ZFHX3: variants seen among roughly 807,000 people sequenced by gnomAD.
ZFHX3 encodes zinc finger homeobox 3.
Under a neutral mutation model 279.1 loss-of-function variants are expected in ZFHX3, and 42 were observed. The ratio of observed to expected loss-of-function variants is 0.15; its 90% CI spans 0.12 to 0.19. The LOEUF (loss-of-function observed/expected upper bound fraction) is 0.19. ZFHX3 is among the 10% of genes least tolerant of loss of function. The pLI, the probability that ZFHX3 is intolerant of heterozygous loss-of-function variation, is 1.00. For missense variants in ZFHX3, 4,981 were observed against 4,754.0 expected (o/e 1.05, Z -1.40); for synonymous variants, 2,293 against 1,957.8 (o/e 1.17, Z -4.52).
intron 5 of ZFHX3, among the ~76,000 whole-genome samples, chr16:72,825,157 G>A (rs944642418): frequency 1.3e-5 from 2 of 152,238 alleles, no homozygotes; most frequent in African/African-American, 4.8e-5. Context: ...AAGGTCATCT[G>A]CTGGCTGGTG....
At chr16:73,358,857 G>A (rs1273940410) in intron 3 of ZFHX3, among the ~76,000 whole-genome samples, 1 of 152,204 alleles carries the variant, frequency 6.6e-6, no homozygotes, top group South Asian at 2.1e-4. Context: ...TGTCCATTAT[G>A]TGACCTCTGG....
At chr16:73,071,467 T>G (rs926767376) in intron 8 of ZFHX3, among the ~76,000 whole-genome samples, 3 of 150,620 alleles carry the variant, frequency 2.0e-5, no homozygotes, top group Admixed American at 2.0e-4. Context: ...CTGCTGCTGC[T>G]GCTGCTGCTG....
intron 1 of ZFHX3, among the ~76,000 whole-genome samples, chr16:72,981,058 A>C (rs897799135): frequency 6.6e-6 from 1 of 152,176 alleles, no homozygotes; most frequent in African/African-American, 2.4e-5. Flanking sequence ...CGTTCATGGC[A>C]AGCCAAGCCT....
intron 2 of ZFHX3, among the ~76,000 whole-genome samples, chr16:73,647,968 A>T (rs1246164939): frequency 1.3e-5 from 2 of 152,212 alleles, no homozygotes; most frequent in Non-Finnish European, 2.9e-5. Context: ...ACAAAAAAAA[A>T]TTTTAACTGA....
chr16:73,365,848 G>C (rs2016520359), intron 3 of ZFHX3, among the ~76,000 whole-genome samples: 1 of 152,194 alleles, frequency 6.6e-6, no homozygotes, highest in South Asian at 2.1e-4. Flanking sequence ...CAGGCAAGAG[G>C]AATGTTCCAG....
intron 3 of ZFHX3, among the ~76,000 whole-genome samples, chr16:73,325,928 A>ACAAACACACACACAC (rs1567451240): frequency 1.9e-4 from 28 of 145,570 alleles, no homozygotes; most frequent in East Asian, 4.1e-4. Flanking sequence ...CACACACACA[A>ACAAACACACACACAC]ACACACACAC....
intron 4 of ZFHX3, among the ~76,000 whole-genome samples, chr16:72,871,099 G>GCTAATA (rs2038150408): frequency 6.6e-6 from 1 of 152,180 alleles, no homozygotes; most frequent in Non-Finnish European, 1.5e-5. Flanking sequence ...AATATTTGGG[G>GCTAATA]AATGCAGGTG....
intron 2 of ZFHX3, among the ~76,000 whole-genome samples, chr16:73,630,958 A>C (rs1464494979): frequency 6.6e-6 from 1 of 152,198 alleles, no homozygotes; most frequent in Admixed American, 6.5e-5. Flanking sequence ...CGGTAATAAG[A>C]GCCTGGTTGC....
chr16:73,693,180 G>A (rs2053165246), intron 1 of ZFHX3, among the ~76,000 whole-genome samples: 1 of 152,110 alleles, frequency 6.6e-6, no homozygotes, highest in South Asian at 2.1e-4. Context: ...ATAATAAATA[G>A]CATTTCAAAA....
chr16:73,433,160 C>G (rs1306440321), intron 3 of ZFHX3, among the ~76,000 whole-genome samples: 1 of 152,194 alleles, frequency 6.6e-6, no homozygotes, highest in Non-Finnish European at 1.5e-5. Flanking sequence ...CTAGGCAGGT[C>G]GGGGCCTGCT....
intron 1 of ZFHX3, among the ~76,000 whole-genome samples, chr16:73,694,622 G>A (rs148453229): frequency 1.3e-4 from 20 of 152,128 alleles, no homozygotes; most frequent in Admixed American, 2.0e-4. Context: ...GATTACAGGC[G>A]TGAGCCACTG....
intron 2 of ZFHX3, among the ~76,000 whole-genome samples, chr16:73,639,999 C>G (rs1370728043): frequency 1.3e-5 from 2 of 152,144 alleles, no homozygotes; most frequent in African/African-American, 4.8e-5. Flanking sequence ...GCCAAAAGTT[C>G]GTGGAAAGAG....
chr16:72,901,251 G>A (rs78919267), intron 3 of ZFHX3, among the ~76,000 whole-genome samples: 4 of 152,136 alleles, frequency 2.6e-5, no homozygotes, highest in Non-Finnish European at 5.9e-5. Context: ...TGCTGGAACC[G>A]AGCCTACAGA....
chr16:72,840,635 G>C (rs373686907), intron 4 of ZFHX3, among the ~76,000 whole-genome samples: 1 of 152,266 alleles, frequency 6.6e-6, no homozygotes, highest in South Asian at 2.1e-4. Context: ...TGAGGGACTT[G>C]GATTCCCTGT....
chr16:72,820,556 TATTCCTGATTTTGATTTTGACCTG>T (rs1441020791), intron 5 of ZFHX3, among the ~76,000 whole-genome samples: 8 of 152,186 alleles, frequency 5.3e-5, no homozygotes, highest in Non-Finnish European at 1.0e-4. Flanking sequence ...GCCTGCTAAA[TATTCCTGATTTTGATTTTGACCTG>T]ATTCCTGACT....
intron 5 of ZFHX3, among the ~76,000 whole-genome samples, chr16:72,815,728 G>T (rs563482172): frequency 6.6e-6 from 1 of 152,350 alleles, no homozygotes; most frequent in East Asian, 1.9e-4. Context: ...CTTTAAGCCT[G>T]CGATGATGTC....
intron 5 of ZFHX3, 151 bp downstream of exon 5, chr16:72,829,628 G>A (rs1713369553): frequency 1.7e-5 from 13 of 747,868 alleles, no homozygotes; most frequent in Admixed American, 5.3e-5. Flanking sequence ...AGAAGCAAAC[G>A]AAATCTCCCT....
intron 4 of ZFHX3, among the ~76,000 whole-genome samples, chr16:73,305,756 G>A (rs1244191542): frequency 1.3e-5 from 2 of 151,928 alleles, no homozygotes; most frequent in East Asian, 1.9e-4. Flanking sequence ...AGGTGCCCAG[G>A]AAAGGAAGAA....
intron 2 of ZFHX3, among the ~76,000 whole-genome samples, chr16:73,541,800 T>C (rs1312109923): frequency 5.4e-5 from 7 of 130,378 alleles, no homozygotes; most frequent in African/African-American, 2.0e-4. Flanking sequence ...TTTTTTTTTT[T>C]TTTTTTTTTT....
Sources: allele counts gnomAD v4.1 joint callset (sites outside exome capture counted in the v4.1 genomes callset), GRCh38; gene constraint gnomAD v4.1.1; transcripts MANE v1.5; gene names NCBI Gene and HGNC (gene_info 2026-07-23, HGNC 2026-07-21).